Variants in SLC26A8 observed in about 807,000 individuals in gnomAD.
SLC26A8 encodes solute carrier family 26 member 8.
Under a neutral mutation model 105.0 loss-of-function variants are expected in SLC26A8, and 70 were observed. That is an observed-to-expected ratio of 0.67 (90% CI 0.55 to 0.81). The LOEUF (loss-of-function observed/expected upper bound fraction) is 0.81, where lower values mean the gene tolerates loss of function less well. Among genes scored for constraint, SLC26A8 ranks in the 40% least tolerant of loss-of-function variants. The pLI, the probability that SLC26A8 is intolerant of heterozygous loss-of-function variation, is 0.00. For missense variants in SLC26A8, 998 were observed against 1,181.8 expected, an observed-to-expected ratio of 0.84 and a Z score of 2.28; for synonymous variants, 415 against 438.3, an observed-to-expected ratio of 0.95 and a Z score of 0.66.
intron 7 of SLC26A8, among the ~76,000 whole-genome samples, chr6:35,983,552 C>T (rs1773364543): frequency 6.6e-6 from 1 of 151,336 alleles, no homozygotes; most frequent in Non-Finnish European, 1.5e-5. Context: ...CTCTTTTGCT[C>T]TCTTTTTTTT....
Position 35,997,733 on chromosome 6 carries a change from C to G in SLC26A8, c.627+5G>C. The G allele has an allele frequency of 6.2e-7, 1 of 1,613,560 alleles. No individual in the cohort carries two copies. The highest frequency in any genetic ancestry group is 8.5e-7 in the Non-Finnish European group (1 of 1,179,676). On this transcript the variant is annotated splice_donor_5th_base_variant and intron_variant, in intron 5 of 19. Coordinates refer to ENST00000490799, the MANE Select transcript of SLC26A8 (RefSeq NM_052961.4). The stretch of plus-strand genomic sequence containing the variant: ...TTTTCAGGGATTTGAAGACTCAGAT[C>G]CTACCTGAATAATCCCAGTCAGAAA...
chr6:36,010,754 G>T (rs1761834170), intron 3 of SLC26A8, among the ~76,000 whole-genome samples: 1 of 151,882 alleles, frequency 6.6e-6, no homozygotes, highest in Non-Finnish European at 1.5e-5. Flanking sequence ...GCCCAGGCTG[G>T]TCTCAAACTC....
At chr6:35,982,284 A>T (rs1402261566) in intron 7 of SLC26A8, 81 bp from the exon 8 acceptor site, 3 of 1,387,466 alleles carry the variant, frequency 2.2e-6, no homozygotes, top group South Asian at 2.3e-5. Context: ...AGAGTTGCCC[A>T]TTGCCTCTGG....
intron 8 of SLC26A8, among the ~76,000 whole-genome samples, chr6:35,978,997 C>A (rs1168600317): frequency 6.8e-6 from 1 of 147,322 alleles, no homozygotes; most frequent in Non-Finnish European, 1.5e-5. Context: ...CATGCAACCA[C>A]ACCTGGCTAA....
Position 35,982,169 on chromosome 6 carries a change from C to CT in SLC26A8, c.976dup (p.Ser326LysfsTer12). On this transcript the variant is annotated frameshift_variant, in exon 8 of 20. Transcript: ENST00000490799. LOFTEE classifies it high-confidence loss of function. Reference sequence around the variant, plus strand: ...CGTCTGGCTGGTTTCTGTGGCCATGCTTATCTTGTTTGCAATCACAGTGAA... The same window carrying CT: ...CGTCTGGCTGGTTTCTGTGGCCATGCTTTATCTTGTTTGCAATCACAGTGAA... 1 of 1,613,944 alleles carries CT rather than the reference C, an allele frequency of 6.2e-7. No individual in the cohort carries two copies. Among genetic ancestry groups the CT allele is most frequent in the Non-Finnish European group, 8.5e-7 (1 of 1,180,000 alleles).
In SLC26A8 at chr6:35,979,007, A is replaced by ATTTTTTTTT. The variant is rs34335766; in HGVS notation, c.1026-1665_1026-1657dup. Among the ~76,000 whole-genome samples the ATTTTTTTTT allele has an allele frequency of 1.4e-3, 140 of 98,342 alleles. 1 individual carries two copies. Among genetic ancestry groups the ATTTTTTTTT allele is most frequent in the Admixed American group, 2.3e-3 (20 of 8,764 alleles). 64.5% of individuals were successfully genotyped at this position (98,342 alleles called of 152,430 possible). A position where few individuals can be genotyped will look rare whatever the true frequency, so the allele number is the denominator to read the frequency against. ...AGATACATGCAACCACACCTGGCTA[A>ATTTTTTTTT]TTTTTTTTTTTTTTTTTTTTTTTTT... On this transcript the variant is annotated intron_variant, in intron 8 of 19. Transcript: ENST00000490799.
intron 19 of SLC26A8, among the ~76,000 whole-genome samples, chr6:35,945,934 C>T (rs537865590): frequency 3.7e-4 from 57 of 152,216 alleles, no homozygotes; most frequent in Non-Finnish European, 7.4e-4. Flanking sequence ...CCATATGACA[C>T]TCTTCTGCTT....
At chr6:35,990,676 A>G (rs1345641949) in intron 7 of SLC26A8, among the ~76,000 whole-genome samples, 1 of 152,236 alleles carries the variant, frequency 6.6e-6, no homozygotes, top group African/African-American at 2.4e-5. Context: ...TAAAATAAAA[A>G]TAAAACATTT....
intron 3 of SLC26A8, 128 bp downstream of exon 3, chr6:36,012,105 T>G: frequency 7.7e-7 from 1 of 1,305,730 alleles, no homozygotes; most frequent in Admixed American, 2.4e-5. Context: ...AGGGAACAAA[T>G]GGTAATGCTG....
intron 1 of SLC26A8, among the ~76,000 whole-genome samples, chr6:36,023,546 C>CAA (rs59633591): frequency 2.4e-3 from 148 of 62,896 alleles, no homozygotes; most frequent in Non-Finnish European, 2.7e-3. Context: ...GACTCTGTCT[C>CAA]AAAAAAAAAA....
Position 36,012,052 on chromosome 6 carries a change from G to A in SLC26A8, c.328+181C>T, listed in dbSNP as rs75757766. Among the ~76,000 whole-genome samples the A allele has an allele frequency of 2.2e-3, 338 of 152,332 alleles. 1 individual carries two copies. The highest frequency in any genetic ancestry group is 4.2e-3 in the Non-Finnish European group (288 of 68,026). On this transcript the variant is annotated intron_variant, in intron 3 of 19. Coordinates refer to ENST00000490799, the MANE Select transcript of SLC26A8 (RefSeq NM_052961.4). The stretch of plus-strand genomic sequence containing the variant: ...CATTCAGGGGTCTAAAGTAAACCAA[G>A]TCTTTTGGAACCACCCTGGAGAGGT...
intron 11 of SLC26A8, among the ~76,000 whole-genome samples, chr6:35,966,911 C>T (rs945387126): frequency 7.2e-5 from 11 of 152,198 alleles, no homozygotes; most frequent in Non-Finnish European, 1.6e-4. Flanking sequence ...CAAATTTTAT[C>T]ACTACCCGTC....
rs73729650 is a variant in SLC26A8 at position 35,996,067 on chromosome 6, C to T, written c.627+1671G>A. Among the ~76,000 whole-genome samples the T allele has an allele frequency of 9.2e-3, 1,403 of 152,240 alleles. 15 individuals carry two copies. The highest frequency in any genetic ancestry group is 0.032 in the African/African-American group (1,327 of 41,532). On this transcript the variant is annotated intron_variant, in intron 5 of 19. Transcript: ENST00000490799. ...AGCTCTAGGCTAAATACTTTGCATG[C>T]ATTTTTTTCACTAAATCCTCCTAAG...
rs140827569 is a variant in SLC26A8 at position 36,005,508 on chromosome 6, C to G, written c.329-5400G>C. Among the ~76,000 whole-genome samples, 66 of 152,256 alleles carry G rather than the reference C, an allele frequency of 4.3e-4. 1 individual carries two copies. The East Asian group carries it at 0.012, about 28-fold the overall frequency. On this transcript the variant is annotated intron_variant, in intron 3 of 19. Transcript: ENST00000490799. ...AATAGATCAGTTATTTTGTCAAACA[C>G]TCCTCAATTTCGGTTTGTCTTATAT... is the stretch of plus-strand genomic sequence containing the variant.
chr6:35,976,359 G>A (rs1773024209), intron 9 of SLC26A8, among the ~76,000 whole-genome samples: 2 of 151,616 alleles, frequency 1.3e-5, no homozygotes, highest in African/African-American at 4.9e-5. Context: ...GGGAGGTGGA[G>A]GTTGTGGTGA....
At chr6:36,009,378 AACAAC>A in intron 3 of SLC26A8, among the ~76,000 whole-genome samples, 1 of 151,858 alleles carries the variant, frequency 6.6e-6, no homozygotes, top group African/African-American at 2.4e-5. Context: ...CAACAACAAC[AACAAC>A]AAACCTGCAC....
Position 35,959,720 on chromosome 6 carries a change from T to C in SLC26A8, c.1725A>G (p.Leu575=). 2 of 1,607,742 alleles carry C rather than the reference T, an allele frequency of 1.2e-6. No individual in the cohort carries two copies. Among genetic ancestry groups the C allele is most frequent in the Non-Finnish European group, 1.7e-6 (2 of 1,178,544 alleles). Residue 575 remains leucine (L), a synonymous_variant, in exon 15 of 20, where the codon TTA becomes TTG. Coordinates refer to ENST00000490799, the MANE Select transcript of SLC26A8 (RefSeq NM_052961.4). ...CGGGCAGGAGGGCAGATACCTCTTT[T>C]AACAGCTTATGCTTTAGGTAGTAAA... ...VNVYYLKHKL[L]KEVDMVKVPL... is the part of the protein sequence containing the mutation.
At position 35,961,228 on chromosome 6, in the gene SLC26A8, T is replaced by C. The variant is rs1310326208; in HGVS notation, c.1462-129A>G. The C allele has an allele frequency of 5.6e-6, 4 of 713,196 alleles. No individual in the cohort carries two copies. The East Asian group carries it at 8.1e-5, about 14-fold the overall frequency. The allele number at this position is 713,196 out of a possible 1,614,324, so 44.2% of individuals were successfully genotyped here. A position where few individuals can be genotyped will look rare whatever the true frequency, so the allele number is the denominator to read the frequency against. ...ACCTGGGCTTTAGGGAAATATTCCA[T>C]AGCCACATGGACTGGTGCCATGACA... On this transcript the variant is annotated intron_variant, in intron 12 of 19. Coordinates refer to ENST00000490799, the MANE Select transcript of SLC26A8 (RefSeq NM_052961.4).
At chr6:35,975,059 G>A (rs1772949381) in intron 10 of SLC26A8, among the ~76,000 whole-genome samples, 1 of 152,054 alleles carries the variant, frequency 6.6e-6, no homozygotes, top group Non-Finnish European at 1.5e-5. Context: ...CACTTGGCCA[G>A]TTTACCTAAA....
Sources: gnomAD v4.1 joint callset for allele counts (sites outside exome capture counted in the v4.1 genomes callset) on GRCh38, gnomAD v4.1.1 for gene constraint, MANE v1.5 for transcripts, NCBI Gene and HGNC (gene_info 2026-07-23, HGNC 2026-07-21) for gene names.